ABL2: variants seen among roughly 807,000 people sequenced by gnomAD.
The protein encoded by ABL2 is tyrosine-protein kinase ABL2.
In ABL2, 49 loss-of-function variants were observed where a neutral mutation model predicts 107.7. The observed-to-expected ratio is 0.45, with a 90% CI of 0.36 to 0.58. The LOEUF is 0.58. Ranked by LOEUF, ABL2 falls within the 20% of genes least tolerant of loss-of-function variation. ABL2 has a pLI of 0.00. For missense variants in ABL2, 1,245 were observed against 1,457.0 expected (o/e 0.85, Z 2.37); for synonymous variants, 549 against 548.6 (o/e 1.00, Z -0.01).
intron 1 of ABL2, among the ~76,000 whole-genome samples, chr1:179,211,177 T>C (rs1662250597): frequency 1.3e-5 from 2 of 152,040 alleles, no homozygotes; most frequent in Admixed American, 6.6e-5. Flanking sequence ...AAACAAGACA[T>C]ATAGTGATGA....
rs546156846 is a variant in ABL2, at chr1:179,211,359, A to T, written c.157+17882T>A. Among the ~76,000 whole-genome samples the T allele has an allele frequency of 5.7e-3, 860 of 150,214 alleles. 6 individuals are homozygous for T. Among genetic ancestry groups the T allele is most frequent in the South Asian group, 0.014 (67 of 4,756 alleles). ...CAAAAGAGATGTAATCCCTAAAAAA[A>T]TTTTTTTTTTAATTTAACCAGGTGG... On this transcript the variant is annotated intron_variant, in intron 1 of 11. Transcript: ENST00000502732.
intron 1 of ABL2, among the ~76,000 whole-genome samples, chr1:179,214,517 GACATATATATATAT>G (rs1479173791): frequency 2.4e-5 from 1 of 41,088 alleles, no homozygotes; most frequent in Admixed American, 3.6e-4. Flanking sequence ...GTTTTAAAAT[GACATATATATATAT>G]ATATATATAT....
At chr1:179,223,039 G>A (rs1322103967) in intron 1 of ABL2, among the ~76,000 whole-genome samples, 1 of 150,242 alleles carries the variant, frequency 6.7e-6, no homozygotes, top group Non-Finnish European at 1.5e-5. Context: ...GAACCCAGGA[G>A]GAGGAGGTTG....
chr1:179,130,897 T>G (rs139359872), intron 3 of ABL2, among the ~76,000 whole-genome samples: 1 of 151,944 alleles, frequency 6.6e-6, no homozygotes, highest in Non-Finnish European at 1.5e-5. Context: ...TTTGAACATA[T>G]GAAAGCCACT....
chr1:179,171,205 C>T (rs1423306426), intron 1 of ABL2, among the ~76,000 whole-genome samples: 1 of 152,138 alleles, frequency 6.6e-6, no homozygotes, highest in Non-Finnish European at 1.5e-5. Flanking sequence ...TAACTATTGG[C>T]CGTCTGTGCA....
At chr1:179,167,358 C>T (rs1659447351) in intron 1 of ABL2, among the ~76,000 whole-genome samples, 1 of 152,138 alleles carries the variant, frequency 6.6e-6, no homozygotes, top group Admixed American at 6.5e-5. Flanking sequence ...CAGTTGATCT[C>T]ATGGAGCGAG....
chr1:179,135,179 G>A (rs1273539205), intron 1 of ABL2, among the ~76,000 whole-genome samples: 5 of 151,926 alleles, frequency 3.3e-5, no homozygotes, highest in Non-Finnish European at 7.4e-5. Flanking sequence ...GAGCATCTCC[G>A]CCTGGCCGCC....
At chr1:179,170,515 A>G (rs995617867) in intron 1 of ABL2, among the ~76,000 whole-genome samples, 6 of 151,850 alleles carry the variant, frequency 4.0e-5, no homozygotes, top group African/African-American at 1.5e-4. Context: ...CTCCCGTGTT[A>G]AAGCGATTCC....
chr1:179,209,361 C>A (rs983227174), intron 1 of ABL2, among the ~76,000 whole-genome samples: 1 of 152,170 alleles, frequency 6.6e-6, no homozygotes, highest in African/African-American at 2.4e-5. Context: ...ACACGCTGTC[C>A]ACTCTCCATC....
At chr1:179,124,716 G>A (rs1031267681) in intron 4 of ABL2, among the ~76,000 whole-genome samples, 4 of 151,870 alleles carry the variant, frequency 2.6e-5, no homozygotes, top group African/African-American at 9.7e-5. Flanking sequence ...GGCCCACCTC[G>A]GCCTCCCAAA....
chr1:179,210,503 C>CAAAAAAA (rs113814284), intron 1 of ABL2, among the ~76,000 whole-genome samples: 6 of 94,102 alleles, frequency 6.4e-5, no homozygotes, highest in Admixed American at 3.7e-4. Flanking sequence ...CTCTAACTCA[C>CAAAAAAA]AAAAAAAAAA....
intron 6 of ABL2, 33 bp downstream of exon 6, chr1:179,120,157 G>A (rs149374679): frequency 0.015 from 21,084 of 1,449,474 alleles, 249 homozygotes; most frequent in Non-Finnish European, 0.015. Flanking sequence ...AGCATTTTTG[G>A]AGGAAATCTA....
intron 1 of ABL2, among the ~76,000 whole-genome samples, chr1:179,174,919 A>AT (rs1557975346): frequency 1.5e-5 from 2 of 134,972 alleles, no homozygotes; most frequent in African/African-American, 5.4e-5. Flanking sequence ...TAAAATAAAA[A>AT]AAATAATAAT....
chr1:179,220,641 T>G (rs1662820034), intron 1 of ABL2, among the ~76,000 whole-genome samples: 1 of 152,242 alleles, frequency 6.6e-6, no homozygotes, highest in African/African-American at 2.4e-5. Flanking sequence ...TGCTTTAATC[T>G]CTGCTGAAAT....
At chr1:179,217,073 A>G (rs572246803) in intron 1 of ABL2, among the ~76,000 whole-genome samples, 3 of 150,090 alleles carry the variant, frequency 2.0e-5, no homozygotes, top group Non-Finnish European at 3.0e-5. Context: ...AGGCAGGCGG[A>G]TCACTTGAGG....
At chr1:179,131,174 C>T (rs868541273) in intron 3 of ABL2, 137 bp downstream of exon 3, 4 of 816,036 alleles carry the variant, frequency 4.9e-6, no homozygotes, top group Middle Eastern at 3.9e-4. Flanking sequence ...AAACTCCTGA[C>T]CTCAGGTGAC....
chr1:179,219,603 T>C (rs978952841), intron 1 of ABL2, among the ~76,000 whole-genome samples: 3 of 152,170 alleles, frequency 2.0e-5, no homozygotes, highest in Admixed American at 6.5e-5. Flanking sequence ...GCACTACATA[T>C]ACTGATACCC....
intron 1 of ABL2, 34 bp downstream of exon 1, chr1:179,229,207 C>CCCCCCCCCCCCCCCCACA: frequency 2.0e-6 from 3 of 1,485,446 alleles, no homozygotes; most frequent in East Asian, 2.8e-5. Context: ...CCGGCCTCCC[C>CCCCCCCCCCCCCCCCACA]CACGCTCTCA....
intron 1 of ABL2, among the ~76,000 whole-genome samples, chr1:179,214,716 G>C (rs1409860481): frequency 6.6e-6 from 1 of 151,636 alleles, no homozygotes; most frequent in Admixed American, 6.6e-5. Context: ...AGATGGAGAA[G>C]ATATTTAAAT....
Sources: gnomAD v4.1 joint callset for allele counts (sites outside exome capture counted in the v4.1 genomes callset) on GRCh38, gnomAD v4.1.1 for gene constraint, MANE v1.5 for transcripts, NCBI Gene and HGNC (gene_info 2026-07-23, HGNC 2026-07-21) for gene names.